Variants in KAT6B observed in about 807,000 individuals in gnomAD.
KAT6B encodes the protein lysine acetyltransferase 6B, also known as histone acetyltransferase KAT6B.
In KAT6B, 10 loss-of-function variants were observed where a neutral mutation model predicts 187.5. The ratio of observed to expected loss-of-function variants is 0.05; its 90% CI spans 0.03 to 0.09. The LOEUF is 0.09. KAT6B is among the 10% of genes least tolerant of loss of function. KAT6B has a pLI of 1.00. For synonymous variants in KAT6B, 861 were observed against 926.8 expected (o/e 0.93, Z 1.29); for missense variants, 1,952 against 2,558.9 (o/e 0.76, Z 5.12).
At chr10:75,017,816 G>A (rs1204536703) in intron 13 of KAT6B, among the ~76,000 whole-genome samples, 2 of 152,214 alleles carry the variant, frequency 1.3e-5, no homozygotes, top group Non-Finnish European at 2.9e-5. Flanking sequence ...CTTCTAAGCT[G>A]TACAGTTTAA....
At chr10:74,974,498 T>G (rs1489640369) in intron 7 of KAT6B, among the ~76,000 whole-genome samples, 2 of 152,230 alleles carry the variant, frequency 1.3e-5, no homozygotes, top group East Asian at 3.8e-4. Context: ...TATAAAACTC[T>G]GCTACAAAAT....
intron 3 of KAT6B, among the ~76,000 whole-genome samples, chr10:74,950,803 T>C (rs1180700049): frequency 6.6e-6 from 1 of 152,172 alleles, no homozygotes; most frequent in East Asian, 1.9e-4. Context: ...CCAAAATTTG[T>C]AAAATATTTT....
intron 3 of KAT6B, among the ~76,000 whole-genome samples, chr10:74,846,371 T>C (rs1427937696): frequency 6.6e-6 from 1 of 152,242 alleles, no homozygotes; most frequent in East Asian, 1.9e-4. Flanking sequence ...CTAATTCATA[T>C]GTCTGACACA....
At chr10:74,974,136 C>G (rs978535431) in intron 7 of KAT6B, among the ~76,000 whole-genome samples, 3 of 152,124 alleles carry the variant, frequency 2.0e-5, no homozygotes, top group African/African-American at 7.2e-5. Context: ...GTTGGTAACT[C>G]TCACTGTGTC....
chr10:74,851,846 A>C (rs1452633677), intron 3 of KAT6B, among the ~76,000 whole-genome samples: 1 of 152,234 alleles, frequency 6.6e-6, no homozygotes, highest in Admixed American at 6.5e-5. Flanking sequence ...CAGTTGCTTG[A>C]GTTGTTTACA....
intron 14 of KAT6B, 75 bp from the exon 15 acceptor site, chr10:75,021,051 G>T: frequency 2.9e-6 from 4 of 1,393,084 alleles, no homozygotes; most frequent in Non-Finnish European, 4.1e-6. Flanking sequence ...ATTAGTGCTA[G>T]CATATGTCCG....
At chr10:74,921,109 T>TA (rs1848080636) in intron 3 of KAT6B, among the ~76,000 whole-genome samples, 1 of 76,398 alleles carries the variant, frequency 1.3e-5, no homozygotes, top group Non-Finnish European at 2.0e-5. Context: ...GTAGTCTAAA[T>TA]TTTTTTTTTT....
rs1469218380 is a variant in KAT6B at position 74,997,256 on chromosome 10, C to T, written c.2629+8144C>T. On this transcript the variant is annotated intron_variant, in intron 13 of 17. Transcript: ENST00000287239. ...CACCCCCCCATTCCCCTCCTTCTCT[C>T]GTCTCTCAATAAATACATAAACAAA... 5.8e-5 allele frequency among the ~76,000 whole-genome samples: 8 copies of T among 138,356 alleles called. No individual in the cohort carries two copies. The East Asian group carries it at 7.3e-4, about 13-fold the overall frequency. The allele number at this position is 138,356 out of a possible 152,430, so 90.8% of individuals were successfully genotyped here. A position where few individuals can be genotyped will look rare whatever the true frequency, so the allele number is the denominator to read the frequency against.
chr10:75,005,007 G>A lies in KAT6B; in HGVS notation c.2630-15575G>A, dbSNP rs564519587. 5.3e-5 allele frequency among the ~76,000 whole-genome samples: 8 copies of A among 152,196 alleles called. No homozygotes were observed. In the East Asian group the frequency reaches 1.5e-3, roughly 29 times the overall value. ...TGGGATTACAGGTGTGAGCCACTATGCCCTGAGCTGTTGTTAAAACAAGAT... is the reference window on the plus strand; with the variant it reads ...TGGGATTACAGGTGTGAGCCACTATACCCTGAGCTGTTGTTAAAACAAGAT... On this transcript the variant is annotated intron_variant, in intron 13 of 17. Transcript: ENST00000287239.
At chr10:74,923,321 C>G (rs1848274634) in intron 3 of KAT6B, among the ~76,000 whole-genome samples, 1 of 152,188 alleles carries the variant, frequency 6.6e-6, no homozygotes, top group Admixed American at 6.5e-5. Context: ...ATGTCAGGCA[C>G]TGTTGTAGGC....
intron 13 of KAT6B, among the ~76,000 whole-genome samples, chr10:75,002,624 C>G (rs1843924477): frequency 6.6e-6 from 1 of 151,768 alleles, no homozygotes; most frequent in African/African-American, 2.4e-5. Flanking sequence ...GGTGACCAAC[C>G]TGGACAGCAG....
intron 3 of KAT6B, among the ~76,000 whole-genome samples, chr10:74,936,414 A>G (rs1332068934): frequency 6.6e-6 from 1 of 152,102 alleles, no homozygotes; most frequent in East Asian, 1.9e-4. Context: ...AAAAAAAAAA[A>G]AAAGAAATTT....
intron 3 of KAT6B, among the ~76,000 whole-genome samples, chr10:74,861,163 G>C (rs117140365): frequency 0.018 from 2,723 of 152,022 alleles, 38 homozygotes; most frequent in Middle Eastern, 0.041. Context: ...TTAGCCGGGT[G>C]TGGTGACACA....
chr10:74,900,451 G>T (rs1009853326), intron 3 of KAT6B, among the ~76,000 whole-genome samples: 1 of 152,166 alleles, frequency 6.6e-6, no homozygotes, highest in African/African-American at 2.4e-5. Context: ...CGTTTTGCTT[G>T]TTGGCTGTCT....
intron 17 of KAT6B, chr10:75,026,296 C>CACCAGTGAATCGTCTTT (rs1443818218): frequency 6.6e-6 from 1 of 152,128 alleles, no homozygotes; most frequent in Non-Finnish European, 1.5e-5. Context: ...ATACACTGAA[C>CACCAGTGAATCGTCTTT]ACCAGTGAAT....
At chr10:74,829,044 G>A (rs112771271) in intron 1 of KAT6B, among the ~76,000 whole-genome samples, 2,280 of 151,934 alleles carry the variant, frequency 0.015, 48 homozygotes, top group African/African-American at 0.053. Context: ...GAGAGAGACA[G>A]AGGAAGATTT....
rs768503075 is a variant in KAT6B, at chr10:75,028,771, A to G, written c.3947A>G (p.Glu1316Gly). Residue 1316 changes from glutamate (E) to glycine (G), a missense_variant, in exon 18 of 18, where the codon GAA becomes GGA. This residue lies in a region of KAT6B where 758 missense variants were observed against 891.4 expected (regional missense o/e 0.85). Coordinates refer to ENST00000287239, the MANE Select transcript of KAT6B (RefSeq NM_012330.4). ...RIEEEVKETG[E>G]ALLPQEENRR... ...GAGGAGGAGGTCAAGGAAACTGGGG[A>G]AGCCCTGTTGCCTCAAGAGGAAAAC... is the stretch of plus-strand genomic sequence containing the variant. 6.2e-7 allele frequency: 1 copy of G among 1,614,156 alleles called. No individual in the cohort carries two copies. Among genetic ancestry groups the G allele is most frequent in the Non-Finnish European group, 8.5e-7 (1 of 1,180,018 alleles).
At chr10:75,016,596 A>G (rs768127463) in intron 13 of KAT6B, among the ~76,000 whole-genome samples, 24 of 152,376 alleles carry the variant, frequency 1.6e-4, no homozygotes, top group Non-Finnish European at 3.1e-4. Context: ...GCTGTTGGCC[A>G]GCACCTCTGG....
chr10:75,025,855 A>G (rs1845788746), intron 17 of KAT6B: 2 of 154,088 alleles, frequency 1.3e-5, no homozygotes, highest in Admixed American at 6.4e-5. Flanking sequence ...CAAAGCCCCT[A>G]CTCTAAAAAA....
Sources: allele counts gnomAD v4.1 joint callset (sites outside exome capture counted in the v4.1 genomes callset), GRCh38; gene constraint gnomAD v4.1.1; regional missense constraint gnomAD v4.1.1; transcripts MANE v1.5; gene names NCBI Gene and HGNC (gene_info 2026-07-23, HGNC 2026-07-21).